The following INSYN2B variants were observed in gnomAD, a reference collection of about 807,000 sequenced individuals.
INSYN2B encodes inhibitory synaptic factor family member 2B.
INSYN2B carries 16 observed loss-of-function variants against 41.2 expected under a neutral mutation model. That is an observed-to-expected ratio of 0.39 (90% confidence interval 0.26 to 0.59). INSYN2B has a LOEUF of 0.59. Among genes scored for constraint, INSYN2B ranks in the 20% least tolerant of loss-of-function variants. INSYN2B has a pLI of 0.57. For synonymous variants in INSYN2B, 245 were observed against 244.4 expected (o/e 1.00, Z -0.02); for missense variants, 608 against 646.4 (o/e 0.94, Z 0.64).
intron 1 of INSYN2B, among the ~76,000 whole-genome samples, chr5:169,909,427 A>T (rs537810998): frequency 9.2e-5 from 14 of 152,312 alleles, no homozygotes; most frequent in East Asian, 3.9e-4. Context: ...CAATGAATTT[A>T]AAAAAATCTA....
At chr5:169,896,313 G>T (rs900919048) in intron 1 of INSYN2B, among the ~76,000 whole-genome samples, 3 of 152,212 alleles carry the variant, frequency 2.0e-5, no homozygotes, top group Non-Finnish European at 4.4e-5. Flanking sequence ...CCCATGTGGA[G>T]TGGCTGGGGG....
intron 3 of INSYN2B, among the ~76,000 whole-genome samples, chr5:169,874,612 G>A (rs865781857): frequency 9.2e-5 from 14 of 152,064 alleles, no homozygotes; most frequent in East Asian, 1.9e-4. Flanking sequence ...CCTTTTACAC[G>A]TGTCTGCTGT....
chr5:169,923,382 A>T (rs149437924), intron 1 of INSYN2B, among the ~76,000 whole-genome samples: 296 of 152,382 alleles, frequency 1.9e-3, no homozygotes, highest in South Asian at 7.2e-3. Flanking sequence ...CGCAGAAAAC[A>T]CATTGGCTCT....
intron 3 of INSYN2B, among the ~76,000 whole-genome samples, chr5:169,865,382 C>A (rs1444806003): frequency 6.6e-6 from 1 of 152,132 alleles, no homozygotes. Flanking sequence ...TGTCTGTGAC[C>A]TCTGCATGTC....
At chr5:169,865,064 T>C (rs915482567) in intron 3 of INSYN2B, among the ~76,000 whole-genome samples, 3 of 152,238 alleles carry the variant, frequency 2.0e-5, no homozygotes, top group African/African-American at 7.2e-5. Context: ...TTGAATTGCA[T>C]CTCAACTTCA....
chr5:169,919,014 G>A (rs760257856), intron 1 of INSYN2B, among the ~76,000 whole-genome samples: 9 of 152,134 alleles, frequency 5.9e-5, no homozygotes, highest in African/African-American at 1.7e-4. Flanking sequence ...GGGTTATGTT[G>A]GATAGAAGTG....
At chr5:169,968,105 C>G (rs1474035816) in intron 1 of INSYN2B, among the ~76,000 whole-genome samples, 2 of 152,194 alleles carry the variant, frequency 1.3e-5, no homozygotes, top group Non-Finnish European at 2.9e-5. Context: ...TCCTGGAATT[C>G]TCTTTACTTA....
chr5:169,937,590 TTATC>T (rs910519440), intron 1 of INSYN2B, among the ~76,000 whole-genome samples: 23 of 152,364 alleles, frequency 1.5e-4, no homozygotes, highest in African/African-American at 5.0e-4. Context: ...GCTCAGTTCT[TTATC>T]TATATTAACT....
chr5:169,959,046 T>C (rs1561851029), intron 1 of INSYN2B, among the ~76,000 whole-genome samples: 2 of 152,084 alleles, frequency 1.3e-5, no homozygotes, highest in Non-Finnish European at 2.9e-5. Context: ...AAACAACATA[T>C]GAAAATGTAG....
At chr5:169,901,477 C>T (rs547176778) in intron 1 of INSYN2B, among the ~76,000 whole-genome samples, 4 of 152,198 alleles carry the variant, frequency 2.6e-5, no homozygotes, top group African/African-American at 7.2e-5. Context: ...GGTATATTAA[C>T]ACGTTTGCAT....
chr5:169,971,951 A>G (rs1777522600), intron 1 of INSYN2B, among the ~76,000 whole-genome samples: 2 of 152,208 alleles, frequency 1.3e-5, no homozygotes, highest in Admixed American at 6.5e-5. Flanking sequence ...CTCAGTATAT[A>G]TACTACCACT....
Position 169,949,095 on chromosome 5 carries a change from A to G in INSYN2B, c.-919+31182T>C, listed in dbSNP as rs372471292. 1.8e-3 allele frequency among the ~76,000 whole-genome samples: 280 copies of G among 152,324 alleles called. 6 individuals carry two copies. The South Asian group carries it at 0.048, about 26-fold the overall frequency. On this transcript the variant is annotated intron_variant, in intron 1 of 3. Coordinates refer to ENST00000377365, the MANE Select transcript of INSYN2B (RefSeq NM_001129891.3). ...AGGAAAAGCAGAGCATGTGGATAAA[A>G]GTGTATAGCCCTGTATTCGAATTTC...
intron 1 of INSYN2B, among the ~76,000 whole-genome samples, chr5:169,885,933 A>C (rs1772944867): frequency 6.6e-6 from 1 of 152,138 alleles, no homozygotes; most frequent in African/African-American, 2.4e-5. Flanking sequence ...AAGCTTAGAG[A>C]GGGTAAGTAC....
chr5:169,960,257 A>C (rs1777031835), intron 1 of INSYN2B, among the ~76,000 whole-genome samples: 2 of 152,228 alleles, frequency 1.3e-5, no homozygotes. Context: ...GTCAAAAGAT[A>C]AAACCTCTGT....
chr5:169,883,629 C>A lies in INSYN2B; in HGVS notation c.270G>T (p.Gly90=), dbSNP rs1042332901. Residue 90 remains glycine, a synonymous_variant, in exon 2 of 4, where the codon GGG becomes GGT. Coordinates refer to ENST00000377365, the MANE Select transcript of INSYN2B (RefSeq NM_001129891.3). ...TTTGGATTGCAATGTTGCGAAAGCC[C>A]CCTGCCTTCTGGGACCTGGGGAAGG... ...SLSFPRSQKA[G]GFRNIAIQTS... is the part of the protein sequence containing the mutation. 5.8e-6 allele frequency: 9 copies of A among 1,551,336 alleles called. No homozygotes were observed. Among genetic ancestry groups the A allele is most frequent in the Non-Finnish European group, 7.8e-6 (9 of 1,146,858 alleles).
Position 169,884,038 on chromosome 5 carries a change from T to A in INSYN2B, c.-140A>T, listed in dbSNP as rs1772828891. The stretch of plus-strand genomic sequence containing the variant: ...ATGGAGTGGTCCTCTCCTCTTAGTA[T>A]GGGAAATCCTGTTGGCCATTCCCAG... On this transcript the variant is annotated 5_prime_UTR_variant, in exon 2 of 4. Transcript: ENST00000377365. 3 of 711,710 alleles carry A rather than the reference T, an allele frequency of 4.2e-6. No homozygotes were observed. The highest frequency in any genetic ancestry group is 2.1e-6 in the Non-Finnish European group (1 of 479,328). 44.1% of individuals were successfully genotyped at this position (711,710 alleles called of 1,614,324 possible).
intron 1 of INSYN2B, among the ~76,000 whole-genome samples, chr5:169,906,791 G>A (rs148694624): frequency 2.9e-3 from 438 of 152,300 alleles, no homozygotes; most frequent in African/African-American, 1.0e-2. Flanking sequence ...ATTGAAGGGT[G>A]GTTCTGGTTT....
intron 1 of INSYN2B, among the ~76,000 whole-genome samples, chr5:169,903,311 TA>T (rs142632030): frequency 0.4 from 44,972 of 111,218 alleles, 7,483 homozygotes; most frequent in Admixed American, 0.51. Context: ...ACAACAACAA[TA>T]AAAAAAAAAA....
chr5:169,861,843 G>A lies in INSYN2B; in HGVS notation c.*2430C>T, dbSNP rs1014357398. On this transcript the variant is annotated 3_prime_UTR_variant, in exon 4 of 4. Transcript: ENST00000377365. ...TTCAGGTCAGTGGCCCAAGCAATGC[G>A]GTGTTGTGCTTTGGTGTAGAATCAG... 1.3e-5 allele frequency among the ~76,000 whole-genome samples: 2 copies of A among 152,064 alleles called. No individual in the cohort carries two copies. Among genetic ancestry groups the A allele is most frequent in the African/African-American group, 2.4e-5 (1 of 41,404 alleles).
Sources: allele counts gnomAD v4.1 joint callset (sites outside exome capture counted in the v4.1 genomes callset), GRCh38; gene constraint gnomAD v4.1.1; transcripts MANE v1.5; gene names NCBI Gene and HGNC (gene_info 2026-07-23, HGNC 2026-07-21).